The following GMDS variants were observed in gnomAD, a reference collection of about 807,000 sequenced individuals.
The protein encoded by GMDS is GDP-mannose 4,6-dehydratase.
Under a neutral mutation model 49.9 loss-of-function variants are expected in GMDS, and 20 were observed. The ratio of observed to expected loss-of-function variants is 0.40; its 90% CI spans 0.28 to 0.58. The LOEUF (loss-of-function observed/expected upper bound fraction) is 0.58. Ranked by LOEUF, GMDS falls within the 20% of genes least tolerant of loss-of-function variation. GMDS has a pLI of 0.42. For missense variants in GMDS, 362 were observed against 481.4 expected, an observed-to-expected ratio of 0.75 and a Z score of 2.32; for synonymous variants, 177 against 178.6, an observed-to-expected ratio of 0.99 and a Z score of 0.07.
chr6:1,624,151 C>T lies in GMDS; in HGVS notation c.*18G>A, dbSNP rs1762772152. 1.2e-5 allele frequency: 19 copies of T among 1,604,314 alleles called. No homozygotes were observed. The highest frequency in any genetic ancestry group is 1.7e-5 in the Admixed American group (1 of 60,004). Reference sequence around the variant, plus strand: ...CGGGGATTGTAGCCGGAGGGCGGGCCGGGCTCCGAGGCGCTGCTCAGGCAT... The same window carrying T: ...CGGGGATTGTAGCCGGAGGGCGGGCTGGGCTCCGAGGCGCTGCTCAGGCAT... On this transcript the variant is annotated 3_prime_UTR_variant, in exon 11 of 11. Transcript: ENST00000380815.
chr6:2,202,331 C>T (rs946265515), intron 1 of GMDS, among the ~76,000 whole-genome samples: 6 of 150,918 alleles, frequency 4.0e-5, no homozygotes, highest in African/African-American at 1.5e-4. Flanking sequence ...GACAGAACAC[C>T]ACATGCACAT....
At chr6:2,105,246 TA>T (rs2127490159) in intron 4 of GMDS, among the ~76,000 whole-genome samples, 1 of 145,374 alleles carries the variant, frequency 6.9e-6, no homozygotes, top group Non-Finnish European at 1.5e-5. Context: ...ATATTTAATA[TA>T]AAGCAAATGC....
intron 9 of GMDS, among the ~76,000 whole-genome samples, chr6:1,709,118 G>A (rs1056519599): frequency 2.6e-5 from 4 of 152,196 alleles, no homozygotes; most frequent in Admixed American, 1.3e-4. Context: ...CTGACTGCTG[G>A]TTTATAGATT....
chr6:1,976,070 T>C (rs185884545), intron 4 of GMDS, among the ~76,000 whole-genome samples: 35 of 152,312 alleles, frequency 2.3e-4, no homozygotes, highest in Admixed American at 2.0e-3. Context: ...ATTAGACTTC[T>C]TTGGCTTGTG....
intron 9 of GMDS, among the ~76,000 whole-genome samples, chr6:1,625,853 G>A (rs1762836366): frequency 6.6e-6 from 1 of 152,154 alleles, no homozygotes; most frequent in South Asian, 2.1e-4. Context: ...GAAATAAACC[G>A]AACGCAAAGG....
At chr6:2,101,551 A>C (rs188011778) in intron 4 of GMDS, among the ~76,000 whole-genome samples, 262 of 152,138 alleles carry the variant, frequency 1.7e-3, no homozygotes, top group Middle Eastern at 0.014. Flanking sequence ...GAAAGAGAAA[A>C]GAATCTCCCA....
chr6:2,039,299 T>C (rs530108200), intron 4 of GMDS, among the ~76,000 whole-genome samples: 8 of 152,162 alleles, frequency 5.3e-5, no homozygotes, highest in East Asian at 1.9e-4. Context: ...GGTGAGTTGA[T>C]GTGAAGGCCT....
At chr6:1,637,495 G>T (rs1763196746) in intron 9 of GMDS, among the ~76,000 whole-genome samples, 1 of 152,256 alleles carries the variant, frequency 6.6e-6, no homozygotes, top group South Asian at 2.1e-4. Flanking sequence ...GGCTCTCTGG[G>T]TGCTTATGCT....
intron 1 of GMDS, among the ~76,000 whole-genome samples, chr6:2,168,227 T>C (rs946080925): frequency 2.0e-5 from 3 of 152,212 alleles, no homozygotes; most frequent in Non-Finnish European, 4.4e-5. Flanking sequence ...ATTCTTTCCA[T>C]TTCCCTCCTT....
intron 2 of GMDS, among the ~76,000 whole-genome samples, chr6:2,117,996 G>A (rs1260942886): frequency 1.3e-5 from 2 of 152,182 alleles, no homozygotes; most frequent in African/African-American, 4.8e-5. Context: ...CTTGCACTTT[G>A]CATCTACTGT....
At position 2,183,848 on chromosome 6, in the gene GMDS, C is replaced by G. The variant is rs1317403531; in HGVS notation, c.103-59117G>C. On this transcript the variant is annotated intron_variant, in intron 1 of 10. Coordinates refer to ENST00000380815, the MANE Select transcript of GMDS (RefSeq NM_001500.4). ...CCCTCTACTAGCAAATAGATTACAA[C>G]TCACTGAAGGTTCAGATGATCACTG... Among the ~76,000 whole-genome samples, 3 of 152,224 alleles carry G rather than the reference C, an allele frequency of 2.0e-5. No homozygotes were observed. The East Asian group carries it at 5.8e-4, about 29-fold the overall frequency.
chr6:1,973,038 A>T (rs1033784017), intron 4 of GMDS, among the ~76,000 whole-genome samples: 4 of 152,256 alleles, frequency 2.6e-5, no homozygotes, highest in African/African-American at 9.6e-5. Context: ...TCAGTATTTT[A>T]GAATGTGCTT....
At chr6:1,816,180 G>A (rs1269177743) in intron 7 of GMDS, among the ~76,000 whole-genome samples, 3 of 152,134 alleles carry the variant, frequency 2.0e-5, no homozygotes, top group Non-Finnish European at 4.4e-5. Flanking sequence ...CCATTCATTC[G>A]CCTATCTATT....
At chr6:1,795,975 C>T (rs1252446027) in intron 7 of GMDS, among the ~76,000 whole-genome samples, 1 of 152,222 alleles carries the variant, frequency 6.6e-6, no homozygotes, top group East Asian at 1.9e-4. Context: ...TCTCTTCTCT[C>T]TACAAACTCC....
chr6:1,960,550 G>C (rs1763883224), intron 5 of GMDS, among the ~76,000 whole-genome samples: 1 of 152,162 alleles, frequency 6.6e-6, no homozygotes, highest in Admixed American at 6.5e-5. Context: ...GGTGAAGTGA[G>C]GTGGTAATTT....
At chr6:2,200,706 G>A (rs1218781677) in intron 1 of GMDS, among the ~76,000 whole-genome samples, 5 of 146,898 alleles carry the variant, frequency 3.4e-5, no homozygotes, top group African/African-American at 7.6e-5. Context: ...TAGCAGAGAG[G>A]TGAAGGATGA....
chr6:1,887,365 AC>A (rs777261553), intron 7 of GMDS, among the ~76,000 whole-genome samples: 200 of 152,286 alleles, frequency 1.3e-3, no homozygotes, highest in Non-Finnish European at 2.5e-3. Context: ...GAAACACTTT[AC>A]AAAACTGCAA....
intron 4 of GMDS, among the ~76,000 whole-genome samples, chr6:2,092,395 T>C (rs1339986678): frequency 2.0e-5 from 3 of 152,198 alleles, no homozygotes; most frequent in African/African-American, 7.2e-5. Flanking sequence ...AACCTTCCCA[T>C]CCTTAGAATT....
chr6:1,883,575 T>A (rs1759465870), intron 7 of GMDS, among the ~76,000 whole-genome samples: 1 of 152,036 alleles, frequency 6.6e-6, no homozygotes, highest in African/African-American at 2.4e-5. Flanking sequence ...AGAAATACTC[T>A]CAGATACATG....
Sources: allele counts gnomAD v4.1 joint callset (sites outside exome capture counted in the v4.1 genomes callset), GRCh38; gene constraint gnomAD v4.1.1; transcripts MANE v1.5; gene names NCBI Gene and HGNC (gene_info 2026-07-23, HGNC 2026-07-21).